MDC1: variants seen among roughly 807,000 people sequenced by gnomAD.
MDC1 encodes mediator of DNA damage checkpoint 1.
Under a neutral mutation model 142.5 loss-of-function variants are expected in MDC1, and 81 were observed. That is an observed-to-expected ratio of 0.57 (90% CI 0.47 to 0.68). MDC1 has a LOEUF of 0.68. Among genes scored for constraint, MDC1 ranks in the 30% least tolerant of loss-of-function variants. The pLI is 0.00. For missense variants in MDC1, 2,119 were observed against 2,547.9 expected, an observed-to-expected ratio of 0.83 and a Z score of 3.62; for synonymous variants, 797 against 968.4, an observed-to-expected ratio of 0.82 and a Z score of 3.29.
chr6:30,705,497 C>T lies in MDC1; in HGVS notation c.3686G>A (p.Arg1229Lys). ...GACAGAGGATCTATTTTTTCTTCCC[C>T]TAGTAGCCTGAGAGGTGGGTTCAGA... ...VTSEPTSQAT[R>K]GRKNRSSVKT... Residue 1229 changes from arginine to lysine, a missense_variant, in exon 10 of 15, where the codon AGG (arginine) becomes AAG (lysine). Arg to Lys is a conservative substitution (Grantham distance 26). Transcript: ENST00000376406. The T allele has an allele frequency of 2.5e-6, 4 of 1,604,822 alleles. No individual in the cohort carries two copies. In the South Asian group the frequency reaches 3.3e-5, roughly 13 times the overall value.
At position 30,706,712 on chromosome 6, in the gene MDC1, G is replaced by A. The variant is rs370699961; in HGVS notation, c.3085-614C>T. ...CCTGGGAGGCTGAGGGAGGAGAGTC[G>A]CTTGAACCCGGGAGGCAGAGGTTGC... On this transcript the variant is annotated intron_variant, in intron 9 of 14. Transcript: ENST00000376406. Among the ~76,000 whole-genome samples the A allele has an allele frequency of 1.4e-4, 21 of 150,358 alleles. 2 individuals carry two copies. The highest frequency in any genetic ancestry group is 1.2e-3 in the East Asian group (6 of 5,108).
In MDC1 at chr6:30,705,005, C is replaced by T; in HGVS notation, c.4178G>A (p.Arg1393Lys). 1 of 1,608,800 alleles carries T rather than the reference C, an allele frequency of 6.2e-7. No individual in the cohort carries two copies. The highest frequency in any genetic ancestry group is 1.4e-5 in the African/African-American group (1 of 74,024). Residue 1393 changes from arginine (R) to lysine (K), a missense_variant, in exon 10 of 15, where the codon AGG (arginine) becomes AAG (lysine). By Grantham distance (26) the Arg-to-Lys change is conservative (BLOSUM62 2). Coordinates refer to ENST00000376406, the MANE Select transcript of MDC1 (RefSeq NM_014641.3). ...GCCAGAGGATCTATTTTTTCTTCCC[C>T]TAGTAGCCCGAGATGTGGGCTCAGG... ...VTPEPTSRAT[R>K]GRKNRSSGKT...
At position 30,704,130 on chromosome 6, in the gene MDC1, T is replaced by A. The variant is rs752111625; in HGVS notation, c.5053A>T (p.Arg1685Trp). Residue 1685 changes from arginine (R) to tryptophan (W), a missense_variant, in exon 10 of 15, where the codon AGG becomes TGG. Coordinates refer to ENST00000376406, the MANE Select transcript of MDC1 (RefSeq NM_014641.3). ...GGCATAGCTCTTACTGTGGAAGACC[T>A]CAGTGTTTTGCTCTGACCACCCTGA... Reference protein sequence around the residue: ...IAQGGQSKTLRSSTVRAMPVP... With the variant: ...IAQGGQSKTLWSSTVRAMPVP... 6.2e-7 allele frequency: 1 copy of A among 1,613,848 alleles called. No homozygotes were observed. The highest frequency in any genetic ancestry group is 1.1e-5 in the South Asian group (1 of 91,050).
chr6:30,712,796 T>G lies in MDC1; in HGVS notation c.1146A>C (p.Glu382Asp). Residue 382 changes from glutamate to aspartate, a missense_variant, in exon 5 of 15, where the codon GAA becomes GAC. Transcript: ENST00000376406. This position sits in a 1 kb window ranked among gnomAD's most constrained non-coding sequence, Gnocchi z 4.7. ...SQAGSDTDVEEGKAPQAVPLE... is the reference protein window; with the variant it reads ...SQAGSDTDVEDGKAPQAVPLE... ...GAGGGACAGCCTGTGGGGCCTTGCCTTCTTCCACATCTGTATCACTACCAG... is the reference window on the plus strand; with the variant it reads ...GAGGGACAGCCTGTGGGGCCTTGCCGTCTTCCACATCTGTATCACTACCAG... The G allele has an allele frequency of 6.2e-7, 1 of 1,612,950 alleles. No individual in the cohort carries two copies. Among genetic ancestry groups the G allele is most frequent in the Non-Finnish European group, 8.5e-7 (1 of 1,179,934 alleles).
At chr6:30,700,781 T>G in intron 14 of MDC1, 149 bp from the exon 15 acceptor site, 6 of 791,148 alleles carry the variant, frequency 7.6e-6, no homozygotes, top group Non-Finnish European at 1.2e-5. Context: ...TGAAATACTC[T>G]TGCTAGGCCG....
chr6:30,700,841 C>A (rs1418402051), intron 14 of MDC1, among the ~76,000 whole-genome samples: 2 of 137,034 alleles, frequency 1.5e-5, no homozygotes, highest in African/African-American at 5.5e-5. Flanking sequence ...GAGGCTGAGG[C>A]GGGTGGATCA....
Position 30,705,868 on chromosome 6 carries a change from A to G in MDC1, c.3315T>C (p.Pro1105=). Residue 1105 remains proline, a synonymous_variant, in exon 10 of 15, where the codon CCT becomes CCC. Coordinates refer to ENST00000376406, the MANE Select transcript of MDC1 (RefSeq NM_014641.3). ...SSELEPFHPK[P]KIRTRKSSRM... ...TGGAGGACTTCCGAGTTCTAATTTT[A>G]GGCTTTGGGTGGAAAGGCTCCAGCT... 6.2e-7 allele frequency: 1 copy of G among 1,610,746 alleles called. No homozygotes were observed.
intron 7 of MDC1, 102 bp downstream of exon 7, chr6:30,711,310 A>T: frequency 9.7e-7 from 1 of 1,034,782 alleles, no homozygotes; most frequent in Non-Finnish European, 1.5e-6. Flanking sequence ...GGCGGAGGTT[A>T]CAGTGAGCCG....
Position 30,708,167 on chromosome 6 carries a change from G to C in MDC1, c.2412C>G (p.Gly804=), listed in dbSNP as rs1774227015. 3 of 1,613,120 alleles carry C rather than the reference G, an allele frequency of 1.9e-6. No homozygotes were observed. Among genetic ancestry groups the C allele is most frequent in the Non-Finnish European group, 2.5e-6 (3 of 1,180,030 alleles). Residue 804 remains glycine, a synonymous_variant, in exon 8 of 15, where the codon GGC becomes GGG. Coordinates refer to ENST00000376406, the MANE Select transcript of MDC1 (RefSeq NM_014641.3). ...PVHTEPMGIQ[G]RGRQTVDKVM... Reference sequence around the variant, plus strand: ...CTTTATCCACAGTCTGCCTCCCTCTGCCTTGAATCCCCATTGGCTCTGTGT... The same window carrying C: ...CTTTATCCACAGTCTGCCTCCCTCTCCCTTGAATCCCCATTGGCTCTGTGT...
In MDC1 at chr6:30,712,954, C is replaced by G. The variant is rs761210355; in HGVS notation, c.988G>C (p.Asp330His). 20 of 1,613,098 alleles carry G rather than the reference C, an allele frequency of 1.2e-5. No homozygotes were observed. The South Asian group carries it at 2.2e-4, about 18-fold the overall frequency. Residue 330 changes from aspartate (D) to histidine (H), a missense_variant, in exon 5 of 15, where the codon GAC becomes CAC. By Grantham distance (81) the Asp-to-His change is moderately conservative. Transcript: ENST00000376406. The surrounding 1 kb of genome is among the most constrained non-coding windows in gnomAD (Gnocchi z 4.7). ...RAQPFGFIDSDTDAEEERIPA... is the reference protein window; with the variant it reads ...RAQPFGFIDSHTDAEEERIPA... ...ATCCTCTCTTCTTCCGCATCAGTGTCGCTGTCGATGAAGCCAAAAGGCTGA... is the reference window on the plus strand; with the variant it reads ...ATCCTCTCTTCTTCCGCATCAGTGTGGCTGTCGATGAAGCCAAAAGGCTGA...
At chr6:30,706,921 C>T (rs571537990) in intron 9 of MDC1, among the ~76,000 whole-genome samples, 5 of 151,838 alleles carry the variant, frequency 3.3e-5, no homozygotes, top group Admixed American at 6.6e-5. Context: ...GCTGAGATCA[C>T]GCCACTGCAC....
At chr6:30,708,419 G>A (rs982739789) in intron 7 of MDC1, 62 bp from the exon 8 acceptor site, 3 of 1,273,108 alleles carry the variant, frequency 2.4e-6, no homozygotes, top group Admixed American at 2.0e-5. Flanking sequence ...AGAGGAAGAG[G>A]GAAAGGGAAG....
In MDC1 at chr6:30,705,858, T is replaced by G. The variant is rs1004659374; in HGVS notation, c.3325A>C (p.Thr1109Pro). The G allele has an allele frequency of 1.9e-6, 3 of 1,610,030 alleles. No homozygotes were observed. Residue 1109 changes from threonine to proline, a missense_variant, in exon 10 of 15, where the codon ACT becomes CCT. Thr to Pro is a conservative substitution (Grantham distance 38). Coordinates refer to ENST00000376406, the MANE Select transcript of MDC1 (RefSeq NM_014641.3). ...GGTGTCATTCTGGAGGACTTCCGAGTTCTAATTTTAGGCTTTGGGTGGAAA... is the reference window on the plus strand; with the variant it reads ...GGTGTCATTCTGGAGGACTTCCGAGGTCTAATTTTAGGCTTTGGGTGGAAA... ...EPFHPKPKIRTRKSSRMTPFP... is the reference protein window; with the variant it reads ...EPFHPKPKIRPRKSSRMTPFP...
At position 30,712,657 on chromosome 6, in the gene MDC1, T is replaced by C. The variant is rs890395280; in HGVS notation, c.1285A>G (p.Arg429Gly). ...LKESQPAIWN[R>G]DAEEDMPQRV... ...TGGGGCATGTCCTCTTCTGCATCTC[T>C]GTTCCATATAGCAGGCTGGCTCTCT... The change falls in exon 5 of 15, where the codon AGA becomes GGA. Residue 429 changes from arginine (R) to glycine (G), a missense_variant. By Grantham distance (125) the Arg-to-Gly change is moderately radical. Transcript: ENST00000376406. The surrounding 1 kb of genome is among the most constrained non-coding windows in gnomAD (Gnocchi z 4.7). The C allele has an allele frequency of 2.5e-5, 41 of 1,612,948 alleles. No individual in the cohort carries two copies. Among genetic ancestry groups the C allele is most frequent in the Non-Finnish European group, 3.4e-5 (40 of 1,180,016 alleles).
rs1223525962 is a variant in MDC1 at position 30,705,802 on chromosome 6, G to T, written c.3381C>A (p.Pro1127=). The T allele has an allele frequency of 6.2e-7, 1 of 1,612,786 alleles. No individual in the cohort carries two copies. The highest frequency in any genetic ancestry group is 1.7e-5 in the Admixed American group (1 of 59,884). Residue 1127 remains proline (P), a synonymous_variant, in exon 10 of 15, where the codon CCC becomes CCA. Transcript: ENST00000376406. ...GCTGGGCTGTGGAGGTGGAAGGGTG[G>T]GGCTCAGGGGCAGCAGAGGTAGCTG... ...PFPATSAAPE[P]HPSTSTAQPV... is the part of the protein sequence containing the mutation.
At chr6:30,702,905 G>A in intron 12 of MDC1, 28 bp from the exon 13 acceptor site, 1 of 1,612,542 alleles carries the variant, frequency 6.2e-7, no homozygotes, top group South Asian at 1.1e-5. Context: ...CAGCATCAAA[G>A]CTCAGCCCAG....
At position 30,713,751 on chromosome 6, in the gene MDC1, G is replaced by C; in HGVS notation, c.518-34C>G. ...AACAGAAAGGAATGAGTTGACAATTGTACACTCATTATTCCTGTCTCCTCA... is the reference window on the plus strand; with the variant it reads ...AACAGAAAGGAATGAGTTGACAATTCTACACTCATTATTCCTGTCTCCTCA... On this transcript the variant is annotated intron_variant, in intron 3 of 14. Coordinates refer to ENST00000376406, the MANE Select transcript of MDC1 (RefSeq NM_014641.3). The surrounding 1 kb of genome is among the most constrained non-coding windows in gnomAD (Gnocchi z 4.9). The C allele has an allele frequency of 6.2e-7, 1 of 1,613,824 alleles. No individual in the cohort carries two copies. Among genetic ancestry groups the C allele is most frequent in the Non-Finnish European group, 8.5e-7 (1 of 1,179,806 alleles).
chr6:30,711,948 C>A lies in MDC1; in HGVS notation c.1994G>T (p.Gly665Val). ...CTCCCTTCCTGTGGGGACCTGGGCT[C>A]CCTCTCTCTGTGGCTGGGTGGATTC... is the stretch of plus-strand genomic sequence containing the variant. ...LGESTQPQRE[G>V]AQVPTGRERE... Residue 665 changes from glycine to valine, a missense_variant, in exon 5 of 15, where the codon GGA becomes GTA. Physicochemically the swap from Gly to Val is moderately radical, Grantham distance 109. Coordinates refer to ENST00000376406, the MANE Select transcript of MDC1 (RefSeq NM_014641.3). 6.4e-7 allele frequency: 1 copy of A among 1,563,664 alleles called. No homozygotes were observed. Among genetic ancestry groups the A allele is most frequent in the East Asian group, 2.2e-5 (1 of 44,552 alleles).
At chr6:30,706,456 C>T (rs1229214986) in intron 9 of MDC1, among the ~76,000 whole-genome samples, 1 of 151,722 alleles carries the variant, frequency 6.6e-6, no homozygotes. Flanking sequence ...CCCGTCTCTA[C>T]TAAAAAATAC....
Sources: gnomAD v4.1 joint callset for allele counts (sites outside exome capture counted in the v4.1 genomes callset) on GRCh38, gnomAD v4.1.1 for gene constraint, Gnocchi (gnomAD v3.1) non-coding constraint, MANE v1.5 for transcripts, NCBI Gene and HGNC (gene_info 2026-07-23, HGNC 2026-07-21) for gene names.